The following PLOD3 variants were observed in gnomAD, a reference collection of about 807,000 sequenced individuals.
PLOD3 encodes multifunctional procollagen lysine hydroxylase and glycosyltransferase LH3.
In PLOD3, 73 loss-of-function variants were observed where a neutral mutation model predicts 96.9. The ratio of observed to expected loss-of-function variants is 0.75; its 90% CI spans 0.62 to 0.92. The LOEUF is 0.92. PLOD3 is among the 40% of genes least tolerant of loss of function. The probability of loss-of-function intolerance (pLI) is 0.00; values close to 1 mark genes in which losing one functional copy is unlikely to be tolerated. For synonymous variants in PLOD3, 454 were observed against 413.7 expected (o/e 1.10, Z -1.18); for missense variants, 1,004 against 1,004.3 (o/e 1.00, Z 0.00).
intron 2 of PLOD3, 59 bp downstream of exon 2, chr7:101,216,636 A>T (rs1798280564): frequency 1.9e-6 from 3 of 1,605,412 alleles, no homozygotes; most frequent in Non-Finnish European, 2.6e-6. Context: ...CTGGGCATCC[A>T]GACTTCAGCC....
intron 5 of PLOD3, 51 bp from the exon 6 acceptor site, chr7:101,215,203 G>A: frequency 7.9e-7 from 1 of 1,272,656 alleles, no homozygotes; most frequent in Non-Finnish European, 1.2e-6. Context: ...GAGTGGAAAG[G>A]ACATCATTTC....
At position 101,211,876 on chromosome 7, in the gene PLOD3, T is replaced by C; in HGVS notation, c.1202A>G (p.Gln401Arg). ...LDADAVLTNL[Q>R]TLRILIEENR... ...CTCCTCAATGAGGATACGCAGGGTC[T>C]GCAGGTTGGTGAGGACAGCGTCGGC... The change falls in exon 11 of 19, where the codon CAG (glutamine) becomes CGG (arginine). Residue 401 changes from glutamine to arginine, a missense_variant. Coordinates refer to ENST00000223127, the MANE Select transcript of PLOD3 (RefSeq NM_001084.5). The C allele has an allele frequency of 6.2e-7, 1 of 1,612,972 alleles. No individual in the cohort carries two copies. Among genetic ancestry groups the C allele is most frequent in the South Asian group, 1.1e-5 (1 of 90,836 alleles).
intron 3 of PLOD3, 39 bp downstream of exon 3, chr7:101,216,371 C>T: frequency 6.2e-7 from 1 of 1,613,832 alleles, no homozygotes; most frequent in Non-Finnish European, 8.5e-7. Flanking sequence ...CTGGGAACCT[C>T]AGCATCCTTA....
intron 15 of PLOD3, 57 bp from the exon 16 acceptor site, chr7:101,209,014 A>ACAGGCAG: frequency 7.9e-7 from 1 of 1,258,062 alleles, no homozygotes; most frequent in South Asian, 1.2e-5. Flanking sequence ...GGGGAAGGGG[A>ACAGGCAG]CAGGCAGCAG....
At position 101,206,761 on chromosome 7, in the gene PLOD3, A is replaced by AGT. The variant is rs561008952; in HGVS notation, c.2061+16_2061+17dup. The AGT allele has an allele frequency of 9.7e-5, 153 of 1,577,576 alleles. No individual in the cohort carries two copies. In the East Asian group the frequency reaches 2.4e-3, roughly 25 times the overall value. ...GTCCTGAGGTGAAGCGTGGGTGGGT[A>AGT]GTGTGACTGGGGCGCACCTCATAGT... On this transcript the variant is annotated intron_variant, in intron 18 of 18. Coordinates refer to ENST00000223127, the MANE Select transcript of PLOD3 (RefSeq NM_001084.5).
intron 5 of PLOD3, 127 bp from the exon 6 acceptor site, chr7:101,215,279 T>C (rs1798250130): frequency 1.3e-6 from 1 of 778,822 alleles, no homozygotes; most frequent in Non-Finnish European, 2.3e-6. Flanking sequence ...AATGGCACGA[T>C]CTCAGCTCAC....
At chr7:101,207,828 G>T in intron 16 of PLOD3, 104 bp from the exon 17 acceptor site, 1 of 1,254,456 alleles carries the variant, frequency 8.0e-7, no homozygotes, top group Non-Finnish European at 1.1e-6. Flanking sequence ...TCACACCTGT[G>T]TTCCTCTGTG....
At position 101,215,960 on chromosome 7, in the gene PLOD3, T is replaced by A. The variant is rs1798263344; in HGVS notation, c.563A>T (p.Asp188Val). 9 of 1,614,034 alleles carry A rather than the reference T, an allele frequency of 5.6e-6. No individual in the cohort carries two copies. Among genetic ancestry groups the A allele is most frequent in the Non-Finnish European group, 7.6e-6 (9 of 1,180,028 alleles). Residue 188 changes from aspartate to valine, a missense_variant, in exon 5 of 19, where the codon GAT becomes GTT. Around this residue, in one of 5 missense-constraint regions of PLOD3, gnomAD observed 690 missense variants for 650.2 expected, o/e 1.06. Coordinates refer to ENST00000223127, the MANE Select transcript of PLOD3 (RefSeq NM_001084.5). ...QIVRQWKYKD[D>V]DDDQLFYTRL... Reference sequence around the variant, plus strand: ...TGTGTAGAACAGCTGGTCGTCGTCATCATCCTTGTACTTCCACTGGCGCAC... The same window carrying A: ...TGTGTAGAACAGCTGGTCGTCGTCAACATCCTTGTACTTCCACTGGCGCAC...
chr7:101,213,316 G>C (rs1347202229), intron 6 of PLOD3, 112 bp from the exon 7 acceptor site: 2 of 768,428 alleles, frequency 2.6e-6, no homozygotes, highest in Admixed American at 2.0e-5. Context: ...GGACACCAGG[G>C]CTATCCTGGA....
At chr7:101,209,944 T>C in intron 15 of PLOD3, 149 bp downstream of exon 15, 3 of 599,824 alleles carry the variant, frequency 5.0e-6, no homozygotes, top group Non-Finnish European at 8.9e-6. Flanking sequence ...AAGAGTCCTT[T>C]CTGTTCGGCC....
intron 6 of PLOD3, chr7:101,213,484 T>G (rs1001112875): frequency 2.9e-5 from 14 of 477,354 alleles, no homozygotes; most frequent in African/African-American, 1.8e-4. Flanking sequence ...TCCCTACCCC[T>G]CCTCATATTC....
chr7:101,215,558 T>C (rs1263410351), intron 5 of PLOD3, among the ~76,000 whole-genome samples: 1 of 152,144 alleles, frequency 6.6e-6, no homozygotes, highest in Non-Finnish European at 1.5e-5. Flanking sequence ...CAGGCTGGAA[T>C]GCAGTGGTGC....
chr7:101,216,668 C>T, intron 2 of PLOD3, 27 bp downstream of exon 2: 2 of 1,608,176 alleles, frequency 1.2e-6, no homozygotes, highest in South Asian at 2.2e-5. Context: ...CTGGGACCCC[C>T]TCCCAGGGGC....
chr7:101,217,199 C>T lies in PLOD3; in HGVS notation c.76G>A (p.Asp26Asn), dbSNP rs941515853. 2.5e-5 allele frequency: 37 copies of T among 1,497,442 alleles called. No individual in the cohort carries two copies. The highest frequency in any genetic ancestry group is 2.8e-5 in the Non-Finnish European group (32 of 1,125,280). The allele number at this position is 1,497,442 out of a possible 1,614,324, so 92.8% of individuals were successfully genotyped here. Residue 26 changes from aspartate (D) to asparagine (N), a missense_variant, in exon 1 of 19, where the codon GAC (aspartate) becomes AAC (asparagine). By Grantham distance (23) the Asp-to-Asn change is conservative. Coordinates refer to ENST00000223127, the MANE Select transcript of PLOD3 (RefSeq NM_001084.5). ...LLLPPAASAS[D>N]RPRGRDPVNP... ...ACCGGGTCTCGGCCCCGGGGCCGGT[C>T]GGAGGCTGAGGCCGCAGGGGGCAGC...
chr7:101,206,325 T>C lies in PLOD3; in HGVS notation c.2173A>G (p.Thr725Ala), dbSNP rs779351171. 4 of 1,613,706 alleles carry C rather than the reference T, an allele frequency of 2.5e-6. No homozygotes were observed. The highest frequency in any genetic ancestry group is 3.4e-6 in the Non-Finnish European group (4 of 1,179,908). The stretch of plus-strand genomic sequence containing the variant: ...ACCATGATGTAGCGTGTGCCCCAGG[T>C]CGTTGGCAGCCCCTCGTGGTAGTGG... ...LTHYHEGLPT[T>A]WGTRYIMVSF... is the part of the protein sequence containing the mutation. The change falls in exon 19 of 19, where the codon ACC becomes GCC. Residue 725 changes from threonine (T) to alanine (A), a missense_variant. Around this residue, in one of 5 missense-constraint regions of PLOD3, gnomAD observed 222 missense variants for 220.4 expected, o/e 1.01. Coordinates refer to ENST00000223127, the MANE Select transcript of PLOD3 (RefSeq NM_001084.5).
At chr7:101,211,761 TGGGGAGCCC>T in intron 11 of PLOD3, 45 bp from the exon 12 acceptor site, 3 of 1,593,898 alleles carry the variant, frequency 1.9e-6, no homozygotes, top group Non-Finnish European at 2.6e-6. Flanking sequence ...GGAGCAGGCC[TGGGGAGCCC>T]GGTGCCCAGG....
At chr7:101,215,194 A>G (rs1270437444) in intron 5 of PLOD3, 42 bp from the exon 6 acceptor site, 1 of 1,323,966 alleles carries the variant, frequency 7.6e-7, no homozygotes, top group Non-Finnish European at 1.1e-6. Flanking sequence ...AAATGGAAGG[A>G]GTGGAAAGGA....
rs747100283 is a variant in PLOD3, at chr7:101,213,169, G to A, written c.715C>T (p.Arg239Cys). ...VVLKFDRNRV[R>C]IRNVAYDTLP... ...GTGTCGTAGGCCACGTTCCGGATAC[G>A]CACACGGTTCCGATCAAACTTTAAA... Residue 239 changes from arginine to cysteine, a missense_variant, in exon 7 of 19, where the codon CGT becomes TGT. By Grantham distance (180) the Arg-to-Cys change is radical. Transcript: ENST00000223127. 6 of 1,613,472 alleles carry A rather than the reference G, an allele frequency of 3.7e-6. No homozygotes were observed. In the Admixed American group the frequency reaches 8.3e-5, roughly 22 times the overall value.
intron 7 of PLOD3, 24 bp downstream of exon 7, chr7:101,213,083 G>T: frequency 6.5e-7 from 1 of 1,533,378 alleles, no homozygotes; most frequent in Non-Finnish European, 9.0e-7. Flanking sequence ...AGGGCGGGGC[G>T]GGGGTTGAGA....
Sources: allele counts gnomAD v4.1 joint callset (sites outside exome capture counted in the v4.1 genomes callset), GRCh38; gene constraint gnomAD v4.1.1; regional missense constraint gnomAD v4.1.1; transcripts MANE v1.5; gene names NCBI Gene and HGNC (gene_info 2026-07-23, HGNC 2026-07-21).